Variants in PARD3 observed in about 807,000 individuals in gnomAD.
PARD3 encodes par-3 family cell polarity regulator.
A neutral mutation model predicts 155.4 loss-of-function variants in PARD3; 75 were observed. The ratio of observed to expected loss-of-function variants is 0.48; its 90% confidence interval spans 0.40 to 0.58. The LOEUF is 0.58. Among genes scored for constraint, PARD3 ranks in the 20% least tolerant of loss-of-function variants. The pLI is 0.00. For synonymous variants in PARD3, 576 were observed against 610.5 expected (o/e 0.94, Z 0.83); for missense variants, 1,642 against 1,721.7 (o/e 0.95, Z 0.82).
At chr10:34,584,737 C>T (rs970895861) in intron 2 of PARD3, among the ~76,000 whole-genome samples, 2 of 152,122 alleles carry the variant, frequency 1.3e-5, no homozygotes, top group Non-Finnish European at 2.9e-5. Context: ...AATCATAATG[C>T]CATCTAATGA....
chr10:34,172,773 C>G (rs545521366), intron 22 of PARD3, among the ~76,000 whole-genome samples: 1 of 98,760 alleles, frequency 1.0e-5, no homozygotes, highest in Non-Finnish European at 2.7e-5. Context: ...AAAAAAAAAC[C>G]CACCCAAGCA....
At chr10:34,577,869 C>T (rs1301407371) in intron 2 of PARD3, among the ~76,000 whole-genome samples, 3 of 146,552 alleles carry the variant, frequency 2.0e-5, no homozygotes, top group African/African-American at 7.5e-5. Flanking sequence ...TTTTTTTAAA[C>T]AGACAGGGGT....
intron 20 of PARD3, among the ~76,000 whole-genome samples, chr10:34,302,214 T>C (rs1322982534): frequency 6.6e-6 from 1 of 152,146 alleles, no homozygotes; most frequent in African/African-American, 2.4e-5. Context: ...AAATTTTGTT[T>C]TGGAACTCAC....
At chr10:34,196,137 G>A (rs1161262993) in intron 22 of PARD3, among the ~76,000 whole-genome samples, 1 of 152,094 alleles carries the variant, frequency 6.6e-6, no homozygotes, top group Admixed American at 6.5e-5. Context: ...AATCAATTCT[G>A]TTGCTGGCCT....
At chr10:34,666,572 T>C (rs2133205314) in intron 2 of PARD3, among the ~76,000 whole-genome samples, 1 of 151,822 alleles carries the variant, frequency 6.6e-6, no homozygotes, top group East Asian at 1.9e-4. Flanking sequence ...TCCTCATGTG[T>C]TGTACTTCTG....
At chr10:34,416,172 C>T (rs1328006911) in intron 5 of PARD3, among the ~76,000 whole-genome samples, 2 of 152,156 alleles carry the variant, frequency 1.3e-5, no homozygotes, top group Non-Finnish European at 2.9e-5. Context: ...AGTGCAAAAT[C>T]CACAGTGCCA....
intron 3 of PARD3, among the ~76,000 whole-genome samples, chr10:34,479,164 T>A (rs2078902546): frequency 6.7e-6 from 1 of 149,894 alleles, no homozygotes; most frequent in Non-Finnish European, 1.5e-5. Flanking sequence ...AATTTAATTT[T>A]TTTTTTTTTT....
chr10:34,288,620 G>A (rs543753800), intron 20 of PARD3, among the ~76,000 whole-genome samples: 8 of 152,220 alleles, frequency 5.3e-5, no homozygotes, highest in Admixed American at 2.0e-4. Context: ...AGCTGAAATT[G>A]GCAATCAACC....
At chr10:34,739,189 A>G (rs183592064) in intron 1 of PARD3, among the ~76,000 whole-genome samples, 32 of 152,330 alleles carry the variant, frequency 2.1e-4, no homozygotes, top group Admixed American at 1.8e-3. Context: ...CACTAACTGA[A>G]AAACTGGTGA....
chr10:34,508,869 A>G (rs1373861540), intron 3 of PARD3, among the ~76,000 whole-genome samples: 1 of 152,146 alleles, frequency 6.6e-6, no homozygotes, highest in East Asian at 1.9e-4. Flanking sequence ...ACACCATTCC[A>G]CAACTATCTG....
intron 22 of PARD3, among the ~76,000 whole-genome samples, chr10:34,185,735 AG>A (rs1950456958): frequency 1.3e-5 from 2 of 151,752 alleles, no homozygotes; most frequent in Admixed American, 1.3e-4. Flanking sequence ...TCTGAACTAG[AG>A]CAGTTACAGA....
At chr10:34,743,116 A>G (rs972587341) in intron 1 of PARD3, among the ~76,000 whole-genome samples, 3 of 152,182 alleles carry the variant, frequency 2.0e-5, no homozygotes, top group Non-Finnish European at 4.4e-5. Flanking sequence ...TCATCATCTC[A>G]TAATTATTTT....
intron 1 of PARD3, among the ~76,000 whole-genome samples, chr10:34,735,970 CCTT>C (rs1196904075): frequency 2.0e-5 from 3 of 152,124 alleles, no homozygotes; most frequent in South Asian, 2.1e-4. Flanking sequence ...AGTCATCAAT[CCTT>C]CTGCCCTCCC....
intron 22 of PARD3, among the ~76,000 whole-genome samples, chr10:34,255,567 C>G (rs1954612763): frequency 6.6e-6 from 1 of 152,070 alleles, no homozygotes; most frequent in Admixed American, 6.5e-5. Context: ...AAGCAGAGGC[C>G]AGAGAAAAGA....
At chr10:34,672,625 G>A (rs2093629714) in intron 2 of PARD3, among the ~76,000 whole-genome samples, 1 of 152,210 alleles carries the variant, frequency 6.6e-6, no homozygotes, top group Non-Finnish European at 1.5e-5. Flanking sequence ...CGAGGTTCCA[G>A]TGAGCTATGA....
intron 1 of PARD3, among the ~76,000 whole-genome samples, chr10:34,752,312 A>G (rs1836149255): frequency 1.3e-5 from 2 of 152,016 alleles, no homozygotes; most frequent in African/African-American, 4.8e-5. Context: ...TTAAAAAGAA[A>G]TATGTGATAA....
At chr10:34,605,150 G>C (rs948999057) in intron 2 of PARD3, among the ~76,000 whole-genome samples, 2 of 145,056 alleles carry the variant, frequency 1.4e-5, no homozygotes, top group Non-Finnish European at 3.0e-5. Context: ...CACTAGGTAT[G>C]CCACTGATCT....
intron 2 of PARD3, among the ~76,000 whole-genome samples, chr10:34,615,646 G>A (rs1387818375): frequency 6.6e-6 from 1 of 152,118 alleles, no homozygotes; most frequent in African/African-American, 2.4e-5. Flanking sequence ...CAGAAGCAAT[G>A]AAAAAAGTGA....
intron 22 of PARD3, among the ~76,000 whole-genome samples, chr10:34,237,643 A>T (rs934865582): frequency 2.0e-5 from 3 of 152,202 alleles, no homozygotes; most frequent in African/African-American, 7.2e-5. Flanking sequence ...ATGAACATAT[A>T]CAAGTGAATA....
Sources: gnomAD v4.1 joint callset for allele counts (sites outside exome capture counted in the v4.1 genomes callset) on GRCh38, gnomAD v4.1.1 for gene constraint, MANE v1.5 for transcripts, NCBI Gene and HGNC (gene_info 2026-07-23, HGNC 2026-07-21) for gene names.